The following RAI14 variants were observed in gnomAD, a reference collection of about 807,000 sequenced individuals.
The protein encoded by RAI14 is retinoic acid induced 14.
In RAI14, 45 loss-of-function variants were observed where a neutral mutation model predicts 115.4. The observed-to-expected ratio is 0.39, with a 90% CI of 0.31 to 0.50. RAI14 has a LOEUF of 0.50. RAI14 is among the 20% of genes least tolerant of loss of function. RAI14 has a pLI of 0.85. For synonymous variants in RAI14, 371 were observed against 415.4 expected (o/e 0.89, Z 1.30); for missense variants, 939 against 1,131.2 (o/e 0.83, Z 2.44).
At chr5:34,756,696 C>T (rs981395720) in intron 2 of RAI14, among the ~76,000 whole-genome samples, 5 of 152,206 alleles carry the variant, frequency 3.3e-5, no homozygotes, top group African/African-American at 1.2e-4. Context: ...CCTTTCATGT[C>T]TTTCTTAGTC....
intron 3 of RAI14, among the ~76,000 whole-genome samples, chr5:34,761,790 G>T (rs536106497): frequency 1.3e-5 from 2 of 151,882 alleles, no homozygotes; most frequent in Non-Finnish European, 2.9e-5. Context: ...CATTATATTC[G>T]ATTATTTTAT....
At position 34,827,657 on chromosome 5, in the gene RAI14, TG is replaced by T. The variant is rs1201288062; in HGVS notation, c.2799+1179del. On this transcript the variant is annotated intron_variant, in intron 16 of 17. Transcript: ENST00000265109. This position sits in a 1 kb window ranked among gnomAD's most constrained non-coding sequence, Gnocchi z 4.2. ...GAAATGGTGGATACTTAGGAGAAGC[TG>T]CTCTTTACTGTGTTCTGCAGGTCAT... Among the ~76,000 whole-genome samples, 1 of 152,244 alleles carries T rather than the reference TG, an allele frequency of 6.6e-6. No individual in the cohort carries two copies. The highest frequency in any genetic ancestry group is 2.4e-5 in the African/African-American group (1 of 41,468).
chr5:34,734,734 T>C (rs1288449032), intron 2 of RAI14, among the ~76,000 whole-genome samples: 1 of 151,938 alleles, frequency 6.6e-6, no homozygotes, highest in Non-Finnish European at 1.5e-5. Flanking sequence ...CAATCTCGGC[T>C]CACTGCAAGC....
chr5:34,805,593 A>C (rs1754781513), intron 5 of RAI14, among the ~76,000 whole-genome samples: 1 of 152,198 alleles, frequency 6.6e-6, no homozygotes, highest in African/African-American at 2.4e-5. Context: ...TAATCCTAGC[A>C]CTTTGGGAGG....
At chr5:34,706,863 C>T (rs1199513243) in intron 2 of RAI14, among the ~76,000 whole-genome samples, 1 of 152,090 alleles carries the variant, frequency 6.6e-6, no homozygotes, top group Non-Finnish European at 1.5e-5. Flanking sequence ...CCCTTTTCTA[C>T]CCCAGAAAAG....
intron 2 of RAI14, among the ~76,000 whole-genome samples, chr5:34,725,437 A>C (rs2150007217): frequency 2.0e-5 from 3 of 152,210 alleles, no homozygotes; most frequent in Admixed American, 2.0e-4. Context: ...AGTACACTTA[A>C]ATTAGAAAGC....
chr5:34,737,681 C>A (rs1044297614), intron 2 of RAI14, among the ~76,000 whole-genome samples: 2 of 152,196 alleles, frequency 1.3e-5, no homozygotes, highest in Non-Finnish European at 2.9e-5. Context: ...ACAGCTTGAG[C>A]CTAGGAGGTT....
At chr5:34,719,090 A>G (rs141748028) in intron 2 of RAI14, among the ~76,000 whole-genome samples, 183 of 152,356 alleles carry the variant, frequency 1.2e-3, no homozygotes, top group Middle Eastern at 3.4e-3. Context: ...GACAGGGTAC[A>G]ACAGGGACAG....
chr5:34,705,467 CATTAT>C (rs1015602551), intron 2 of RAI14, among the ~76,000 whole-genome samples: 2 of 151,956 alleles, frequency 1.3e-5, no homozygotes, highest in African/African-American at 4.8e-5. Context: ...TAACATGTGG[CATTAT>C]ATTATATATC....
intron 3 of RAI14, among the ~76,000 whole-genome samples, chr5:34,793,698 T>G (rs889139912): frequency 6.6e-6 from 1 of 152,222 alleles, no homozygotes; most frequent in African/African-American, 2.4e-5. Flanking sequence ...CAGTAGACAC[T>G]TCCTGGTATG....
At chr5:34,760,117 T>C (rs180956) in intron 3 of RAI14, among the ~76,000 whole-genome samples, 1 of 139,142 alleles carries the variant, frequency 7.2e-6, no homozygotes, top group African/African-American at 3.4e-5. Context: ...GGCGTGATCT[T>C]GGCTCACTGC....
intron 2 of RAI14, among the ~76,000 whole-genome samples, chr5:34,734,609 G>A (rs1165530510): frequency 1.3e-5 from 2 of 151,834 alleles, no homozygotes; most frequent in East Asian, 3.9e-4. Flanking sequence ...ATGAATTGGG[G>A]CATTAACTGG....
intron 10 of RAI14, among the ~76,000 whole-genome samples, chr5:34,812,781 C>T (rs1755758381): frequency 6.6e-6 from 1 of 152,152 alleles, no homozygotes; most frequent in South Asian, 2.1e-4. Context: ...CTCATACTTC[C>T]TATTGGTGTG....
intron 9 of RAI14, 107 bp downstream of exon 9, chr5:34,812,052 A>G: frequency 7.7e-7 from 1 of 1,306,484 alleles, no homozygotes; most frequent in East Asian, 2.4e-5. Context: ...TCTTTTAAAC[A>G]TATTCTTGAA....
chr5:34,774,756 G>GAA (rs57231477), intron 3 of RAI14, among the ~76,000 whole-genome samples: 24 of 143,150 alleles, frequency 1.7e-4, no homozygotes, highest in Middle Eastern at 3.6e-3. Context: ...CACAGAAATA[G>GAA]AAAAAAAAAA....
At chr5:34,829,673 G>T (rs924087584) in intron 16 of RAI14, 59 bp from the exon 17 acceptor site, 3 of 1,452,526 alleles carry the variant, frequency 2.1e-6, no homozygotes, top group Admixed American at 2.0e-5. Context: ...ATAGTTTTTT[G>T]TTTTTGTTCT....
chr5:34,683,760 C>G (rs1161125977), intron 1 of RAI14, among the ~76,000 whole-genome samples: 1 of 151,404 alleles, frequency 6.6e-6, no homozygotes, highest in Non-Finnish European at 1.5e-5. Flanking sequence ...TGGAGTCTCA[C>G]TCTGTCGCCC....
chr5:34,808,159 T>G (rs112524376), intron 6 of RAI14, among the ~76,000 whole-genome samples: 13,871 of 152,306 alleles, frequency 0.091, 920 homozygotes, highest in South Asian at 0.13. Context: ...TCAGGTAATG[T>G]GTGATACAGA....
At chr5:34,677,824 A>C (rs891607901) in intron 1 of RAI14, among the ~76,000 whole-genome samples, 8 of 152,176 alleles carry the variant, frequency 5.3e-5, no homozygotes, top group Non-Finnish European at 1.0e-4. Context: ...CAGAATTTAG[A>C]GTCCTCAATG....
Sources: allele counts gnomAD v4.1 joint callset (sites outside exome capture counted in the v4.1 genomes callset), GRCh38; gene constraint gnomAD v4.1.1; non-coding constraint Gnocchi (gnomAD v3.1); transcripts MANE v1.5; gene names NCBI Gene and HGNC (gene_info 2026-07-23, HGNC 2026-07-21).